Variants in HDLBP observed in about 807,000 individuals in gnomAD.
HDLBP encodes the protein vigilin.
In HDLBP, 30 loss-of-function variants were observed where a neutral mutation model predicts 137.3. That is an observed-to-expected ratio of 0.22 (90% CI 0.16 to 0.30). HDLBP has a LOEUF of 0.30. Among genes scored for constraint, HDLBP ranks in the 10% least tolerant of loss-of-function variants. HDLBP has a pLI of 1.00. For synonymous variants in HDLBP, 606 were observed against 596.0 expected (o/e 1.02, Z -0.24); for missense variants, 1,119 against 1,667.3 (o/e 0.67, Z 5.73).
Position 241,240,151 on chromosome 2 carries a change from C to G in HDLBP, c.2170-29G>C, listed in dbSNP as rs1431183844. 1 of 1,606,770 alleles carries G rather than the reference C, an allele frequency of 6.2e-7. No individual in the cohort carries two copies. The highest frequency in any genetic ancestry group is 8.5e-7 in the Non-Finnish European group (1 of 1,173,394). On this transcript the variant is annotated intron_variant, in intron 17 of 27. Transcript: ENST00000310931. This position sits in a 1 kb window ranked among gnomAD's most constrained non-coding sequence, Gnocchi z 5.5. ...CAGAAACCAATCCCACTGTGTTAGC[C>G]TGACACCACGTGCCTGGACCACAGT...
chr2:241,233,734 C>T lies in HDLBP; in HGVS notation c.3288+86G>A. 1 of 1,501,440 alleles carries T rather than the reference C, an allele frequency of 6.7e-7. No homozygotes were observed. The highest frequency in any genetic ancestry group is 1.2e-5 in the South Asian group (1 of 84,406). The allele number at this position is 1,501,440 out of a possible 1,614,324, so 93.0% of individuals were successfully genotyped here. On this transcript the variant is annotated intron_variant, in intron 24 of 27. Transcript: ENST00000310931. The surrounding 1 kb of genome is among the most constrained non-coding windows in gnomAD (Gnocchi z 4.3). Reference sequence around the variant, plus strand: ...CTCAACTTGGCCCTCGAACCCCCATCTAGGCACATCTGGTTACTGCTCCCA... The same window carrying T: ...CTCAACTTGGCCCTCGAACCCCCATTTAGGCACATCTGGTTACTGCTCCCA...
intron 1 of HDLBP, among the ~76,000 whole-genome samples, chr2:241,278,661 A>T (rs1444618458): frequency 6.6e-6 from 1 of 152,234 alleles, no homozygotes; most frequent in African/African-American, 2.4e-5. Flanking sequence ...AAGCCAGGGC[A>T]GTATGGCAAG....
chr2:241,237,632 A>T (rs1404583039), intron 20 of HDLBP, among the ~76,000 whole-genome samples: 4 of 152,242 alleles, frequency 2.6e-5, no homozygotes, highest in Non-Finnish European at 1.5e-5. Flanking sequence ...CGATTCCGAT[A>T]AATGTGCTAG....
rs1199723671 is a variant in HDLBP at position 241,239,563 on chromosome 2, G to A, written c.2610+39C>T. 6.5e-7 allele frequency: 1 copy of A among 1,528,420 alleles called. No homozygotes were observed. The highest frequency in any genetic ancestry group is 9.1e-7 in the Non-Finnish European group (1 of 1,103,482). 94.7% of individuals were successfully genotyped at this position (1,528,420 alleles called of 1,614,324 possible). A position where few individuals can be genotyped will look rare whatever the true frequency, so the allele number is the denominator to read the frequency against. On this transcript the variant is annotated intron_variant, in intron 19 of 27. Transcript: ENST00000310931. The surrounding 1 kb of genome is among the most constrained non-coding windows in gnomAD (Gnocchi z 4.6). Reference sequence around the variant, plus strand: ...TACACGGCTTCGGTGAGTGGCCACTGGGGGGTGAGAACCCCTCCCCGAGCA... The same window carrying A: ...TACACGGCTTCGGTGAGTGGCCACTAGGGGGTGAGAACCCCTCCCCGAGCA...
chr2:241,241,682 G>C (rs955528042), intron 17 of HDLBP, among the ~76,000 whole-genome samples: 6 of 150,016 alleles, frequency 4.0e-5, no homozygotes, highest in African/African-American at 1.5e-4. Flanking sequence ...AAAAACCACA[G>C]GCACTTCCAT....
chr2:241,271,801 A>G (rs778076973), intron 1 of HDLBP: 3 of 152,288 alleles, frequency 2.0e-5, no homozygotes, highest in Non-Finnish European at 2.9e-5. Flanking sequence ...ACCACAAACC[A>G]AAGTTCAGAA....
Position 241,240,000 on chromosome 2 carries a change from A to G in HDLBP, c.2292T>C (p.Pro764=), listed in dbSNP as rs764463016. 23 of 1,614,032 alleles carry G rather than the reference A, an allele frequency of 1.4e-5. No individual in the cohort carries two copies. Among genetic ancestry groups the G allele is most frequent in the Non-Finnish European group, 1.5e-5 (18 of 1,180,026 alleles). ...GGTCCTGGTCCTTGTCCTCAGCCGC[A>G]GGGAAGATGACACGTGCTCCAGTGC... ...RDSTGARVIF[P]AAEDKDQDLI... Residue 764 remains proline, a synonymous_variant, in exon 18 of 28, where the codon CCT becomes CCC. Transcript: ENST00000310931. The surrounding 1 kb of genome is among the most constrained non-coding windows in gnomAD (Gnocchi z 4.6).
At chr2:241,287,771 CAT>C (rs1386717538) in intron 1 of HDLBP, among the ~76,000 whole-genome samples, 1 of 152,146 alleles carries the variant, frequency 6.6e-6, no homozygotes, top group Non-Finnish European at 1.5e-5. Flanking sequence ...AAAAGATATA[CAT>C]GTTTGTACAT....
rs2071042509 is a variant in HDLBP at position 241,239,997 on chromosome 2, C to T, written c.2295G>A (p.Ala765=). The change falls in exon 18 of 28, where the codon GCG becomes GCA. Residue 765 remains alanine (A), a synonymous_variant. Transcript: ENST00000310931. This position sits in a 1 kb window ranked among gnomAD's most constrained non-coding sequence, Gnocchi z 4.6. ...DSTGARVIFP[A]AEDKDQDLIT... ...TCAGGTCCTGGTCCTTGTCCTCAGCCGCAGGGAAGATGACACGTGCTCCAG... is the reference window on the plus strand; with the variant it reads ...TCAGGTCCTGGTCCTTGTCCTCAGCTGCAGGGAAGATGACACGTGCTCCAG... 1.2e-6 allele frequency: 2 copies of T among 1,614,202 alleles called. No individual in the cohort carries two copies. Among genetic ancestry groups the T allele is most frequent in the Non-Finnish European group, 1.7e-6 (2 of 1,180,036 alleles).
chr2:241,273,715 G>C (rs1390939625), intron 1 of HDLBP: 1 of 958,870 alleles, frequency 1.0e-6, no homozygotes, highest in Admixed American at 6.2e-5. Context: ...CCCACACAGG[G>C]GAAGAGGTAG....
rs552600870 is a variant in HDLBP at position 241,248,389 on chromosome 2, C to T, written c.1513-41G>A. ...AAGTAGATGTCATTTATCACAAGCACGGCGAGCAACTCCCCACTGACACAA... is the reference window on the plus strand; with the variant it reads ...AAGTAGATGTCATTTATCACAAGCATGGCGAGCAACTCCCCACTGACACAA... On this transcript the variant is annotated intron_variant, in intron 12 of 27. Transcript: ENST00000310931. The T allele has an allele frequency of 1.6e-4, 239 of 1,470,542 alleles. 2 individuals are homozygous for T. The highest frequency in any genetic ancestry group is 5.6e-4 in the South Asian group (49 of 88,250). 91.1% of individuals were successfully genotyped at this position (1,470,542 alleles called of 1,614,324 possible).
rs201002787 is a variant in HDLBP at position 241,229,722 on chromosome 2, T to C, written c.3721-35A>G. ...GAGAGGACACGGCTTCAGGAGGGGA[T>C]GCTCCCCAACTCGCAAGCAGCTTCC... On this transcript the variant is annotated intron_variant, in intron 27 of 27. Transcript: ENST00000310931. The C allele has an allele frequency of 2.4e-5, 39 of 1,611,000 alleles. 2 individuals are homozygous for C. In the East Asian group the frequency reaches 2.9e-4, roughly 12 times the overall value.
intron 1 of HDLBP, among the ~76,000 whole-genome samples, chr2:241,291,643 A>T: frequency 6.6e-6 from 1 of 152,244 alleles, no homozygotes; most frequent in East Asian, 1.9e-4. Flanking sequence ...TTAAATAAGA[A>T]TAGAATTAGA....
intron 16 of HDLBP, 67 bp from the exon 17 acceptor site, chr2:241,242,745 T>TA (rs2071367370): frequency 1.5e-6 from 2 of 1,311,446 alleles, no homozygotes; most frequent in Non-Finnish European, 1.1e-6. Flanking sequence ...GAGGAAAAGA[T>TA]AAACTATCAT....
chr2:241,240,237 G>A lies in HDLBP; in HGVS notation c.2170-115C>T. 1.0e-6 allele frequency: 1 copy of A among 994,890 alleles called. No individual in the cohort carries two copies. Among genetic ancestry groups the A allele is most frequent in the Non-Finnish European group, 1.6e-6 (1 of 626,432 alleles). The allele number at this position is 994,890 out of a possible 1,614,324, so 61.6% of individuals were successfully genotyped here. A position where few individuals can be genotyped will look rare whatever the true frequency, so the allele number is the denominator to read the frequency against. ...GGGCTCCCCTTACATTGTCACCAGT[G>A]TCCTGATGTTGCACCAATACCCCCA... On this transcript the variant is annotated intron_variant, in intron 17 of 27. Transcript: ENST00000310931. This position sits in a 1 kb window ranked among gnomAD's most constrained non-coding sequence, Gnocchi z 5.5.
chr2:241,266,550 C>T (rs1574971237), intron 3 of HDLBP: 6 of 481,680 alleles, frequency 1.2e-5, no homozygotes, highest in South Asian at 2.9e-5. Flanking sequence ...TGGTCAAATT[C>T]GCTGGCTTTC....
intron 1 of HDLBP, among the ~76,000 whole-genome samples, chr2:241,295,605 ATC>A (rs1392008357): frequency 6.6e-6 from 1 of 152,180 alleles, no homozygotes; most frequent in Non-Finnish European, 1.5e-5. Flanking sequence ...TCCAAATAAC[ATC>A]TGTGATAGGC....
intron 21 of HDLBP, chr2:241,236,225 C>T (rs2070410575): frequency 7.8e-6 from 2 of 256,708 alleles, no homozygotes; most frequent in East Asian, 9.4e-5. Flanking sequence ...ACGCAGGTGG[C>T]ACTCGACACT....
At chr2:241,315,163 G>A (rs2075996871) in intron 1 of HDLBP, 1 of 152,220 alleles carries the variant, frequency 6.6e-6, no homozygotes, top group Admixed American at 6.5e-5. Context: ...TCCCCCGCGG[G>A]GCGGCGGGCC....
Sources: gnomAD v4.1 joint callset for allele counts (sites outside exome capture counted in the v4.1 genomes callset) on GRCh38, gnomAD v4.1.1 for gene constraint, Gnocchi (gnomAD v3.1) non-coding constraint, MANE v1.5 for transcripts, NCBI Gene and HGNC (gene_info 2026-07-23, HGNC 2026-07-21) for gene names.